The following RAPGEF4 variants were observed in gnomAD, a reference collection of about 807,000 sequenced individuals.
The protein encoded by RAPGEF4 is Rap guanine nucleotide exchange factor 4.
Under a neutral mutation model 147.9 loss-of-function variants are expected in RAPGEF4, and 66 were observed. The ratio of observed to expected loss-of-function variants is 0.45; its 90% CI spans 0.37 to 0.55. RAPGEF4 has a LOEUF of 0.55. RAPGEF4 is among the 20% of genes least tolerant of loss of function. The pLI, the probability that RAPGEF4 is intolerant of heterozygous loss-of-function variation, is 0.00. For missense variants in RAPGEF4, 1,071 were observed against 1,257.3 expected, an observed-to-expected ratio of 0.85 and a Z score of 2.24; for synonymous variants, 419 against 442.7, an observed-to-expected ratio of 0.95 and a Z score of 0.67.
At chr2:172,783,395 G>A (rs1264453143) in intron 1 of RAPGEF4, among the ~76,000 whole-genome samples, 2 of 152,148 alleles carry the variant, frequency 1.3e-5, no homozygotes, top group Non-Finnish European at 2.9e-5. Context: ...AAAAGCAAGC[G>A]GGTATGACTG....
Position 172,941,218 on chromosome 2 carries a change from G to C in RAPGEF4, c.537+18918G>C, listed in dbSNP as rs968068148. Among the ~76,000 whole-genome samples the C allele has an allele frequency of 2.0e-5, 3 of 152,096 alleles. No homozygotes were observed. The East Asian group carries it at 5.8e-4, about 29-fold the overall frequency. On this transcript the variant is annotated intron_variant, in intron 6 of 30. Transcript: ENST00000397081. ...TTATTTCTCTTGTCTCGTTGCACAA[G>C]GTAGGACTTCCGGTATGATAGTCAA...
At chr2:172,919,798 G>A (rs754071641) in intron 5 of RAPGEF4, among the ~76,000 whole-genome samples, 12 of 152,260 alleles carry the variant, frequency 7.9e-5, no homozygotes, top group Admixed American at 6.5e-5. Flanking sequence ...CTCCTCTGGA[G>A]AGGCCGGTTT....
rs192767834 is a variant in RAPGEF4 at position 173,011,741 on chromosome 2, T to C, written c.1659-2723T>C. Among the ~76,000 whole-genome samples, 436 of 152,328 alleles carry C rather than the reference T, an allele frequency of 2.9e-3. 2 individuals carry two copies. Among genetic ancestry groups the C allele is most frequent in the Non-Finnish European group, 5.2e-3 (351 of 68,028 alleles). On this transcript the variant is annotated intron_variant, in intron 17 of 30. Coordinates refer to ENST00000397081, the MANE Select transcript of RAPGEF4 (RefSeq NM_007023.4). ...GAATCAATTGGATCAATTTGAATAG[T>C]TTCTTTGCCTAAGTACTTGTAAAGC...
chr2:172,792,297 T>C (rs1024142156), intron 1 of RAPGEF4, among the ~76,000 whole-genome samples: 7 of 152,248 alleles, frequency 4.6e-5, no homozygotes, highest in Admixed American at 4.6e-4. Context: ...GCTGAAGTCC[T>C]AGTCTCTGTT....
In RAPGEF4 at chr2:173,051,561, T is replaced by G. The variant is rs138229009; in HGVS notation, c.2909-79T>G. The G allele has an allele frequency of 2.8e-6, 4 of 1,444,230 alleles. No individual in the cohort carries two copies. The East Asian group carries it at 9.5e-5, about 34-fold the overall frequency. The allele number at this position is 1,444,230 out of a possible 1,614,324, so 89.5% of individuals were successfully genotyped here. On this transcript the variant is annotated intron_variant, in intron 30 of 30. Coordinates refer to ENST00000397081, the MANE Select transcript of RAPGEF4 (RefSeq NM_007023.4). ...ACCCAGGAACCTATGATAAATGTAA[T>G]AAATAATTGGAGAAGTAAGATTGTA...
In RAPGEF4 at chr2:172,892,026, A is replaced by G. The variant is rs115959421; in HGVS notation, c.445-25776A>G. On this transcript the variant is annotated intron_variant, in intron 4 of 30. Transcript: ENST00000397081. Reference sequence around the variant, plus strand: ...TTTTATAAAATGACCATGAAGACCAATGGTGGAAGGAAGTCACAGTGAATG... The same window carrying G: ...TTTTATAAAATGACCATGAAGACCAGTGGTGGAAGGAAGTCACAGTGAATG... Among the ~76,000 whole-genome samples the G allele has an allele frequency of 1.6e-3, 239 of 152,266 alleles. 1 individual carries two copies. Among genetic ancestry groups the G allele is most frequent in the Middle Eastern group, 6.8e-3 (2 of 294 alleles).
At chr2:172,969,252 C>T (rs943698243) in intron 10 of RAPGEF4, among the ~76,000 whole-genome samples, 5 of 152,250 alleles carry the variant, frequency 3.3e-5, no homozygotes, top group Non-Finnish European at 7.3e-5. Flanking sequence ...GTTCTAGATA[C>T]TATGTTAGGT....
chr2:172,768,260 C>G (rs1454613718), intron 1 of RAPGEF4, among the ~76,000 whole-genome samples: 1 of 151,980 alleles, frequency 6.6e-6, no homozygotes, highest in Non-Finnish European at 1.5e-5. Flanking sequence ...GATGTATGGA[C>G]CAGCAGACAA....
At chr2:172,830,025 A>G (rs773682317) in intron 4 of RAPGEF4, among the ~76,000 whole-genome samples, 14 of 152,080 alleles carry the variant, frequency 9.2e-5, no homozygotes, top group Admixed American at 8.5e-4. Context: ...TATGATTAAC[A>G]TATTATCAGC....
chr2:172,749,165 G>A (rs534729733), intron 1 of RAPGEF4, among the ~76,000 whole-genome samples: 5 of 152,326 alleles, frequency 3.3e-5, no homozygotes, highest in African/African-American at 1.2e-4. Context: ...GGGGTTTGGA[G>A]GACAGTGGTC....
chr2:173,045,522 A>G (rs1335364528), intron 29 of RAPGEF4, among the ~76,000 whole-genome samples: 1 of 152,244 alleles, frequency 6.6e-6, no homozygotes, highest in East Asian at 1.9e-4. Flanking sequence ...TATCCATAAC[A>G]GTTATATCCA....
chr2:172,771,434 G>C (rs1247560908), intron 1 of RAPGEF4, among the ~76,000 whole-genome samples: 1 of 151,662 alleles, frequency 6.6e-6, no homozygotes. Context: ...TAAATAAAGC[G>C]AGTTTTAGAT....
chr2:172,736,755 C>G (rs1423300537), intron 1 of RAPGEF4, among the ~76,000 whole-genome samples: 6 of 152,214 alleles, frequency 3.9e-5, no homozygotes, highest in Admixed American at 3.9e-4. Context: ...GCTGTGACAG[C>G]ATAATTTTCT....
intron 4 of RAPGEF4, among the ~76,000 whole-genome samples, chr2:172,860,655 TG>T (rs1423334172): frequency 6.6e-6 from 1 of 151,868 alleles, no homozygotes; most frequent in Non-Finnish European, 1.5e-5. Flanking sequence ...ATTTGGCAAT[TG>T]TTTTTTTAAA....
chr2:173,001,776 C>A (rs1693944627), intron 17 of RAPGEF4, among the ~76,000 whole-genome samples: 1 of 151,810 alleles, frequency 6.6e-6, no homozygotes, highest in African/African-American at 2.4e-5. Flanking sequence ...GTGGCAAACA[C>A]TTTTAAACGA....
At chr2:172,827,331 T>G (rs1689779934) in intron 4 of RAPGEF4, among the ~76,000 whole-genome samples, 1 of 152,064 alleles carries the variant, frequency 6.6e-6, no homozygotes, top group African/African-American at 2.4e-5. Flanking sequence ...TTACTCTATA[T>G]TTCCTTCTCC....
rs1696670284 is a variant in RAPGEF4 at position 173,026,428 on chromosome 2, G to A, written c.2254-144G>A. 7.4e-6 allele frequency: 6 copies of A among 814,180 alleles called. No homozygotes were observed. In the South Asian group the frequency reaches 1.0e-4, roughly 14 times the overall value. The allele number at this position is 814,180 out of a possible 1,614,324, so 50.4% of individuals were successfully genotyped here. On this transcript the variant is annotated intron_variant, in intron 23 of 30. Transcript: ENST00000397081. ...ACTAAAGCAACTAGCGTTGCGAGCA[G>A]AGGCATCTCTCCTCAGAGTTTCCAG...
chr2:172,983,458 C>A, intron 10 of RAPGEF4, 38 bp from the exon 11 acceptor site: 1 of 1,579,410 alleles, frequency 6.3e-7, no homozygotes, highest in Non-Finnish European at 8.5e-7. Context: ...TAGTGATGCC[C>A]TTTTTCCATA....
intron 3 of RAPGEF4, among the ~76,000 whole-genome samples, chr2:172,806,015 C>CTG (rs36226317): frequency 1.3e-3 from 185 of 145,422 alleles, no homozygotes; most frequent in African/African-American, 3.5e-3. Flanking sequence ...TATTATCCGG[C>CTG]TGTGTGTGTG....
Sources: allele counts gnomAD v4.1 joint callset (sites outside exome capture counted in the v4.1 genomes callset), GRCh38; gene constraint gnomAD v4.1.1; transcripts MANE v1.5; gene names NCBI Gene and HGNC (gene_info 2026-07-23, HGNC 2026-07-21).